Variants in UGT2A2 observed in about 807,000 individuals in gnomAD.
UGT2A2 encodes UDP glucuronosyltransferase family 2 member A2, also known as UDP-glucuronosyltransferase 2A2.
Under a neutral mutation model 50.7 loss-of-function variants are expected in UGT2A2, and 60 were observed. The ratio of observed to expected loss-of-function variants is 1.18; its 90% CI spans 0.96 to 1.47. UGT2A2 has a LOEUF of 1.47. UGT2A2 is among the 40% of genes most tolerant of loss of function. UGT2A2 has a pLI of 0.00. For synonymous variants in UGT2A2, 242 were observed against 214.6 expected (o/e 1.13, Z -1.11); for missense variants, 762 against 634.0 (o/e 1.20, Z -2.17).
chr4:69,611,086 T>C (rs867787495), intron 1 of UGT2A2, among the ~76,000 whole-genome samples: 12 of 151,618 alleles, frequency 7.9e-5, no homozygotes, highest in Middle Eastern at 3.4e-3. Context: ...AATTTTAAAA[T>C]AGGTAGAATA....
chr4:69,632,251 G>A (rs1176632496), intron 1 of UGT2A2, among the ~76,000 whole-genome samples: 4 of 152,142 alleles, frequency 2.6e-5, no homozygotes, highest in African/African-American at 7.2e-5. Flanking sequence ...TGAAGGAAGA[G>A]GGAAGGCATA....
Position 69,628,745 on chromosome 4 carries a change from A to G in UGT2A2, c.742+10154T>C, listed in dbSNP as rs185036176. 4.4e-4 allele frequency among the ~76,000 whole-genome samples: 65 copies of G among 148,368 alleles called. 1 individual carries two copies. Among genetic ancestry groups the G allele is most frequent in the African/African-American group, 1.6e-3 (64 of 40,182 alleles). ...TGAATGATCTAGAATGCCTACTTCTACTTAATACTAAATGTAAAGTTTCAG... is the reference window on the plus strand; with the variant it reads ...TGAATGATCTAGAATGCCTACTTCTGCTTAATACTAAATGTAAAGTTTCAG... On this transcript the variant is annotated intron_variant, in intron 1 of 5. Coordinates refer to ENST00000604629, the MANE Select transcript of UGT2A2 (RefSeq NM_001105677.2).
At chr4:69,602,463 TTATC>T (rs71206000) in intron 1 of UGT2A2, among the ~76,000 whole-genome samples, 11,290 of 100,824 alleles carry the variant, frequency 0.11, 2,352 homozygotes, top group African/African-American at 0.2. Flanking sequence ...ATTTAGGAGT[TTATC>T]TATCTATCTA....
chr4:69,613,217 C>T (rs1188495825), intron 1 of UGT2A2, among the ~76,000 whole-genome samples: 3 of 151,630 alleles, frequency 2.0e-5, no homozygotes, highest in Non-Finnish European at 4.4e-5. Flanking sequence ...GACATATAGA[C>T]CAATGGAATA....
At chr4:69,613,045 TA>T (rs1720162215) in intron 1 of UGT2A2, among the ~76,000 whole-genome samples, 1 of 126,136 alleles carries the variant, frequency 7.9e-6, no homozygotes, top group African/African-American at 3.2e-5. Flanking sequence ...AAAAAACAAA[TA>T]ACCTCACTAA....
chr4:69,593,725 C>G (rs1213733702), intron 5 of UGT2A2, among the ~76,000 whole-genome samples: 1 of 151,700 alleles, frequency 6.6e-6, no homozygotes, highest in East Asian at 1.9e-4. Flanking sequence ...TATCTTTTCT[C>G]TCTGTGTGTA....
At chr4:69,627,530 AAGAAAGAGAGAGAG>A (rs1322915442) in intron 1 of UGT2A2, among the ~76,000 whole-genome samples, 7 of 114,844 alleles carry the variant, frequency 6.1e-5, no homozygotes, top group African/African-American at 9.6e-5. Context: ...AGAAGAAAGA[AAGAAAGAGAGAGAG>A]AGAAAGAGAG....
At chr4:69,613,370 C>G (rs1037633930) in intron 1 of UGT2A2, among the ~76,000 whole-genome samples, 5 of 151,840 alleles carry the variant, frequency 3.3e-5, no homozygotes, top group South Asian at 2.1e-4. Flanking sequence ...AAGCCCAGGA[C>G]CTGAAGACTT....
chr4:69,589,562 A>T lies in UGT2A2; in HGVS notation c.1421T>A (p.Val474Asp), dbSNP rs541720302. The T allele has an allele frequency of 1.9e-6, 3 of 1,614,092 alleles. No homozygotes were observed. In the African/African-American group the frequency reaches 4.0e-5, roughly 22 times the overall value. The change falls in exon 6 of 6, where the codon GTC becomes GAC. Residue 474 changes from valine to aspartate, a missense_variant. Coordinates refer to ENST00000604629, the MANE Select transcript of UGT2A2 (RefSeq NM_001105677.2). ...LDRAVFWIEF[V>D]MRHKGAKHLR... The stretch of plus-strand genomic sequence containing the variant: ...GTGCTTGGCTCCTTTGTGGCGCATG[A>T]CAAACTCGATCCAGAAGACTGCTCG...
intron 1 of UGT2A2, among the ~76,000 whole-genome samples, chr4:69,604,758 A>G (rs1384505171): frequency 2.9e-5 from 4 of 136,580 alleles, no homozygotes; most frequent in Non-Finnish European, 6.2e-5. Flanking sequence ...AAAAAAAGGC[A>G]GGGGTTGCAA....
chr4:69,614,416 TGC>T (rs1372407123), intron 1 of UGT2A2, among the ~76,000 whole-genome samples: 2 of 151,342 alleles, frequency 1.3e-5, no homozygotes, highest in Non-Finnish European at 2.9e-5. Flanking sequence ...ACAGATTCAT[TGC>T]AATCCCTATC....
intron 1 of UGT2A2, among the ~76,000 whole-genome samples, chr4:69,630,251 T>TC (rs1253262498): frequency 6.6e-6 from 1 of 152,112 alleles, no homozygotes; most frequent in African/African-American, 2.4e-5. Context: ...TTCATTTTTT[T>TC]CTCCTGCAAT....
intron 1 of UGT2A2, among the ~76,000 whole-genome samples, chr4:69,620,199 G>A (rs1156601429): frequency 6.6e-6 from 1 of 151,774 alleles, no homozygotes; most frequent in Non-Finnish European, 1.5e-5. Flanking sequence ...AACTTTCCTG[G>A]TTCACACACA....
intron 1 of UGT2A2, among the ~76,000 whole-genome samples, chr4:69,636,095 A>G (rs1721693903): frequency 6.6e-6 from 1 of 152,140 alleles, no homozygotes; most frequent in South Asian, 2.1e-4. Context: ...AACTGGTGCA[A>G]TCAAATATGT....
chr4:69,617,109 T>C (rs1004542996), intron 1 of UGT2A2, among the ~76,000 whole-genome samples: 3 of 151,980 alleles, frequency 2.0e-5, no homozygotes, highest in Non-Finnish European at 4.4e-5. Flanking sequence ...AAAGTTAGAA[T>C]TACAGAACTA....
chr4:69,634,303 T>G, intron 1 of UGT2A2, among the ~76,000 whole-genome samples: 1 of 151,684 alleles, frequency 6.6e-6, no homozygotes, highest in Non-Finnish European at 1.5e-5. Flanking sequence ...CCCACAACAC[T>G]GATCACAGGA....
chr4:69,594,709 T>C lies in UGT2A2; in HGVS notation c.1112-13A>G. On this transcript the variant is annotated splice_polypyrimidine_tract_variant and intron_variant, in intron 4 of 5. Coordinates refer to ENST00000604629, the MANE Select transcript of UGT2A2 (RefSeq NM_001105677.2). Reference sequence around the variant, plus strand: ...GTTTTGGGATGTCCTAATTTGAGGATGGAGTGAGAAGTGGGTGTGTAATAA... The same window carrying C: ...GTTTTGGGATGTCCTAATTTGAGGACGGAGTGAGAAGTGGGTGTGTAATAA... The C allele has an allele frequency of 1.9e-6, 3 of 1,609,494 alleles. No homozygotes were observed. The highest frequency in any genetic ancestry group is 2.5e-6 in the Non-Finnish European group (3 of 1,177,340).
At chr4:69,619,835 A>C (rs1720639164) in intron 1 of UGT2A2, among the ~76,000 whole-genome samples, 1 of 152,076 alleles carries the variant, frequency 6.6e-6, no homozygotes, top group South Asian at 2.1e-4. Flanking sequence ...TGCAGAAGGC[A>C]AGATTGGTTC....
chr4:69,594,520 C>A lies in UGT2A2; in HGVS notation c.1288G>T (p.Val430Leu). ...VEVNLNTMTSVDLLSALRTVI... is the reference protein window; with the variant it reads ...VEVNLNTMTSLDLLSALRTVI... ...GTTCTCAAAGCGCTAAGCAAATCCACACTTGTCATTGTGTTTAGGTTCACT... is the reference window on the plus strand; with the variant it reads ...GTTCTCAAAGCGCTAAGCAAATCCAAACTTGTCATTGTGTTTAGGTTCACT... Residue 430 changes from valine to leucine, a missense_variant, in exon 5 of 6, where the codon GTG becomes TTG. Transcript: ENST00000604629. 1.2e-6 allele frequency: 2 copies of A among 1,614,168 alleles called. No homozygotes were observed. The highest frequency in any genetic ancestry group is 1.7e-6 in the Non-Finnish European group (2 of 1,180,028).
Sources: allele counts gnomAD v4.1 joint callset (sites outside exome capture counted in the v4.1 genomes callset), GRCh38; gene constraint gnomAD v4.1.1; transcripts MANE v1.5; gene names NCBI Gene and HGNC (gene_info 2026-07-23, HGNC 2026-07-21).